The following SH3RF3 variants were observed in gnomAD, a reference collection of about 807,000 sequenced individuals.
SH3RF3 encodes the protein SH3 domain containing ring finger 3, also known as E3 ubiquitin-protein ligase SH3RF3.
Under a neutral mutation model 66.3 loss-of-function variants are expected in SH3RF3, and 29 were observed. The observed-to-expected ratio is 0.44, with a 90% confidence interval of 0.33 to 0.60. SH3RF3 has a LOEUF of 0.60. Ranked by LOEUF, SH3RF3 falls within the 20% of genes least tolerant of loss-of-function variation. The pLI is 0.04. For synonymous variants in SH3RF3, 583 were observed against 532.0 expected (o/e 1.10, Z -1.32); for missense variants, 1,194 against 1,190.9 (o/e 1.00, Z -0.04).
At chr2:109,437,659 A>G (rs1444443663) in intron 7 of SH3RF3, among the ~76,000 whole-genome samples, 1 of 151,736 alleles carries the variant, frequency 6.6e-6, no homozygotes, top group Non-Finnish European at 1.5e-5. Flanking sequence ...CCCTTTCTGA[A>G]GTGCTCTGAG....
At chr2:109,406,947 C>T (rs1676468002) in intron 4 of SH3RF3, among the ~76,000 whole-genome samples, 1 of 152,210 alleles carries the variant, frequency 6.6e-6, no homozygotes, top group Non-Finnish European at 1.5e-5. Context: ...CCCTGCAACT[C>T]AGCAAGTTTG....
At chr2:109,223,349 G>A (rs759556224) in intron 1 of SH3RF3, among the ~76,000 whole-genome samples, 48 of 152,206 alleles carry the variant, frequency 3.2e-4, no homozygotes, top group Admixed American at 1.2e-3. Context: ...GCCAAGAGGG[G>A]CGTTCTGAAG....
chr2:109,455,767 G>A (rs1678037264), intron 8 of SH3RF3, among the ~76,000 whole-genome samples: 1 of 152,212 alleles, frequency 6.6e-6, no homozygotes, highest in South Asian at 2.1e-4. Context: ...GGGGAAGCCA[G>A]CTGCTGCCAG....
intron 1 of SH3RF3, among the ~76,000 whole-genome samples, chr2:109,294,253 G>C (rs1681254418): frequency 6.6e-6 from 1 of 152,168 alleles, no homozygotes; most frequent in South Asian, 2.1e-4. Context: ...TCTGAAGACA[G>C]TGTCCTGCCT....
chr2:109,291,690 C>T (rs1460305628), intron 1 of SH3RF3, among the ~76,000 whole-genome samples: 3 of 152,136 alleles, frequency 2.0e-5, no homozygotes, highest in Admixed American at 6.5e-5. Context: ...GGCCTTAAGT[C>T]GCTCCTCTTT....
At chr2:109,332,803 C>T (rs1366796709) in intron 1 of SH3RF3, among the ~76,000 whole-genome samples, 3 of 152,296 alleles carry the variant, frequency 2.0e-5, no homozygotes, top group East Asian at 3.9e-4. Flanking sequence ...AAATAGGACT[C>T]GGAATCACCC....
chr2:109,240,786 CCT>C (rs1487212268), intron 1 of SH3RF3, among the ~76,000 whole-genome samples: 1 of 151,980 alleles, frequency 6.6e-6, no homozygotes, highest in Non-Finnish European at 1.5e-5. Flanking sequence ...CTCTCTAGAC[CCT>C]GAGGGGTTTC....
intron 1 of SH3RF3, among the ~76,000 whole-genome samples, chr2:109,142,604 C>T (rs1188922615): frequency 6.6e-6 from 1 of 152,172 alleles, no homozygotes; most frequent in Non-Finnish European, 1.5e-5. Context: ...CACCAGAAGC[C>T]TCTCTGGGTT....
chr2:109,449,114 C>CCGT, intron 7 of SH3RF3, 56 bp from the exon 8 acceptor site: 2 of 1,559,406 alleles, frequency 1.3e-6, no homozygotes, highest in Non-Finnish European at 1.7e-6. Context: ...GCCTGGCAGG[C>CCGT]ATGGCAAGTT....
intron 5 of SH3RF3, among the ~76,000 whole-genome samples, chr2:109,426,877 A>G (rs961716197): frequency 3.9e-5 from 6 of 152,168 alleles, no homozygotes; most frequent in African/African-American, 1.4e-4. Flanking sequence ...GTCAGCAACT[A>G]TTCACATCAA....
chr2:109,146,437 A>G lies in SH3RF3; in HGVS notation c.573+16324A>G, dbSNP rs554157919. Among the ~76,000 whole-genome samples, 10 of 152,248 alleles carry G rather than the reference A, an allele frequency of 6.6e-5. No individual in the cohort carries two copies. The East Asian group carries it at 7.8e-4, about 12-fold the overall frequency. The stretch of plus-strand genomic sequence containing the variant: ...GGAGTCTGTGGAGTCTTCTTGCATC[A>G]ATTCCGTGCCAAGAGGCCTCCAGTG... On this transcript the variant is annotated intron_variant, in intron 1 of 9. Coordinates refer to ENST00000309415, the MANE Select transcript of SH3RF3 (RefSeq NM_001099289.3).
At chr2:109,428,627 C>T (rs1677103842) in intron 5 of SH3RF3, among the ~76,000 whole-genome samples, 1 of 152,206 alleles carries the variant, frequency 6.6e-6, no homozygotes, top group African/African-American at 2.4e-5. Flanking sequence ...GCATGAAAGC[C>T]CTATACACGC....
chr2:109,236,824 C>T (rs527641833), intron 1 of SH3RF3, among the ~76,000 whole-genome samples: 1 of 152,290 alleles, frequency 6.6e-6, no homozygotes, highest in East Asian at 1.9e-4. Flanking sequence ...GAGGACTCTC[C>T]TCAGAGATCA....
chr2:109,462,643 A>G (rs1332849640), intron 8 of SH3RF3, among the ~76,000 whole-genome samples: 2 of 152,222 alleles, frequency 1.3e-5, no homozygotes, highest in African/African-American at 2.4e-5. Context: ...GAGGCAGGTT[A>G]GTGGCTTCCA....
chr2:109,165,204 A>C (rs1246153875), intron 1 of SH3RF3, among the ~76,000 whole-genome samples: 1 of 49,772 alleles, frequency 2.0e-5, no homozygotes, highest in African/African-American at 5.6e-5. Context: ...AGCTGAGGGA[A>C]GACTGTGCTA....
chr2:109,489,772 C>G (rs915316946), intron 8 of SH3RF3, among the ~76,000 whole-genome samples: 1 of 152,092 alleles, frequency 6.6e-6, no homozygotes, highest in Non-Finnish European at 1.5e-5. Context: ...GAGTCTCGCT[C>G]TGTCACCCAG....
At chr2:109,473,751 G>A (rs1678592453) in intron 8 of SH3RF3, among the ~76,000 whole-genome samples, 1 of 107,446 alleles carries the variant, frequency 9.3e-6, no homozygotes, top group Non-Finnish European at 1.8e-5. Flanking sequence ...CCTGCCTCAG[G>A]CTACCTCCTC....
At chr2:109,462,129 T>G (rs973376846) in intron 8 of SH3RF3, among the ~76,000 whole-genome samples, 1 of 150,730 alleles carries the variant, frequency 6.6e-6, no homozygotes, top group Non-Finnish European at 1.5e-5. Context: ...GAGTAGTTGC[T>G]GCTTCTTGCT....
chr2:109,349,023 C>T (rs1383477266), intron 2 of SH3RF3, among the ~76,000 whole-genome samples: 1 of 151,992 alleles, frequency 6.6e-6, no homozygotes, highest in Admixed American at 6.6e-5. Flanking sequence ...CAGTATTTCT[C>T]TCTCTCTCTC....
Sources: allele counts gnomAD v4.1 joint callset (sites outside exome capture counted in the v4.1 genomes callset), GRCh38; gene constraint gnomAD v4.1.1; transcripts MANE v1.5; gene names NCBI Gene and HGNC (gene_info 2026-07-23, HGNC 2026-07-21).